KCNIP1: variants seen among roughly 807,000 people sequenced by gnomAD.
KCNIP1 encodes potassium voltage-gated channel interacting protein 1, also known as A-type potassium channel modulatory protein KCNIP1.
In KCNIP1, 18 loss-of-function variants were observed where a neutral mutation model predicts 33.0. That is an observed-to-expected ratio of 0.55 (90% CI 0.38 to 0.81). The LOEUF (loss-of-function observed/expected upper bound fraction) is 0.81. KCNIP1 is among the 30% of genes least tolerant of loss of function. The pLI, the probability that KCNIP1 is intolerant of heterozygous loss-of-function variation, is 0.00. For missense variants in KCNIP1, 238 were observed against 271.6 expected, an observed-to-expected ratio of 0.88 and a Z score of 0.87; for synonymous variants, 93 against 98.3, an observed-to-expected ratio of 0.95 and a Z score of 0.32.
chr5:170,459,422 A>T (rs1031338393), intron 1 of KCNIP1, among the ~76,000 whole-genome samples: 1 of 152,222 alleles, frequency 6.6e-6, no homozygotes, highest in African/African-American at 2.4e-5. Context: ...ACTTTCTCCA[A>T]GATAGACCAT....
At chr5:170,671,686 C>A (rs1761930408) in intron 1 of KCNIP1, among the ~76,000 whole-genome samples, 1 of 152,204 alleles carries the variant, frequency 6.6e-6, no homozygotes, top group Non-Finnish European at 1.5e-5. Flanking sequence ...TAGTGCTTAG[C>A]ACAGAGCCTG....
At chr5:170,401,993 G>C (rs1266350469) in intron 1 of KCNIP1, among the ~76,000 whole-genome samples, 5 of 152,164 alleles carry the variant, frequency 3.3e-5, no homozygotes, top group Admixed American at 3.3e-4. Flanking sequence ...GCTCTAAGGG[G>C]AAAATCCTTC....
intron 1 of KCNIP1, among the ~76,000 whole-genome samples, chr5:170,598,503 C>A (rs1017614507): frequency 1.3e-5 from 2 of 152,268 alleles, no homozygotes; most frequent in Non-Finnish European, 2.9e-5. Flanking sequence ...GTGCCCCGGA[C>A]AAGGTACCTA....
chr5:170,359,581 C>T (rs528786923), intron 1 of KCNIP1, among the ~76,000 whole-genome samples: 8 of 152,308 alleles, frequency 5.3e-5, no homozygotes, highest in South Asian at 2.1e-4. Flanking sequence ...AACCCTGGAA[C>T]CTCTGAGTGC....
chr5:170,665,184 G>C (rs2113757196), intron 1 of KCNIP1, among the ~76,000 whole-genome samples: 1 of 152,280 alleles, frequency 6.6e-6, no homozygotes, highest in East Asian at 1.9e-4. Context: ...CAGACCCAGT[G>C]GCTTATTGAT....
intron 1 of KCNIP1, among the ~76,000 whole-genome samples, chr5:170,358,291 A>G (rs1259626084): frequency 6.6e-6 from 1 of 152,142 alleles, no homozygotes; most frequent in African/African-American, 2.4e-5. Context: ...GGGGTGTGGG[A>G]AGATGAGATC....
chr5:170,562,646 G>A (rs761494106), intron 1 of KCNIP1, among the ~76,000 whole-genome samples: 4 of 152,100 alleles, frequency 2.6e-5, no homozygotes, highest in South Asian at 2.1e-4. Flanking sequence ...TCCCCTGCAC[G>A]CCGTCTCTCA....
intron 1 of KCNIP1, among the ~76,000 whole-genome samples, chr5:170,675,505 C>G (rs568307708): frequency 1.5e-4 from 23 of 152,172 alleles, no homozygotes; most frequent in African/African-American, 5.5e-4. Context: ...CCTGTAGTCC[C>G]AGCTACTCAG....
In KCNIP1 at chr5:170,733,843, A is replaced by C; in HGVS notation, c.548A>C (p.Asp183Ala). 1 of 1,613,538 alleles carries C rather than the reference A, an allele frequency of 6.2e-7. No homozygotes were observed. The highest frequency in any genetic ancestry group is 8.5e-7 in the Non-Finnish European group (1 of 1,179,478). ...QHVDVFFQKM[D>A]KNKDGIVTLD... ...TTCTGTTATGTCTTTCAGAAAATGGACAAAAATAAAGATGGCATCGTAACT... is the reference window on the plus strand; with the variant it reads ...TTCTGTTATGTCTTTCAGAAAATGGCCAAAAATAAAGATGGCATCGTAACT... The change falls in exon 7 of 8, where the codon GAC becomes GCC. Residue 183 changes from aspartate to alanine, a missense_variant. Transcript: ENST00000328939.
intron 1 of KCNIP1, among the ~76,000 whole-genome samples, chr5:170,369,818 G>A (rs1190785126): frequency 6.6e-6 from 1 of 152,168 alleles, no homozygotes; most frequent in African/African-American, 2.4e-5. Context: ...TGATTTCTGG[G>A]CCAGGAGGTT....
At chr5:170,561,906 C>CA (rs1757046195) in intron 1 of KCNIP1, among the ~76,000 whole-genome samples, 1 of 152,118 alleles carries the variant, frequency 6.6e-6, no homozygotes. Flanking sequence ...ATACAGAAAT[C>CA]AAAAACGCAT....
chr5:170,725,174 C>G (rs6894038), intron 5 of KCNIP1, among the ~76,000 whole-genome samples: 112,973 of 152,010 alleles, frequency 0.74, 42,094 homozygotes, highest in East Asian at 0.86. Context: ...CCACTGCTGG[C>G]TATATACCCC....
chr5:170,643,443 C>T lies in KCNIP1; in HGVS notation c.62-75315C>T, dbSNP rs373441514. On this transcript the variant is annotated intron_variant, in intron 1 of 7. Coordinates refer to ENST00000328939, the MANE Select transcript of KCNIP1 (RefSeq NM_014592.4). Reference sequence around the variant, plus strand: ...TGCCCCAAGGATCCTGATGCCCTCCCTCCTCTCTGCTCTGCAGTGTGCTGG... The same window carrying T: ...TGCCCCAAGGATCCTGATGCCCTCCTTCCTCTCTGCTCTGCAGTGTGCTGG... Among the ~76,000 whole-genome samples, 92 of 152,372 alleles carry T rather than the reference C, an allele frequency of 6.0e-4. 1 individual carries two copies. In the East Asian group the frequency reaches 0.011, roughly 19 times the overall value.
chr5:170,610,489 G>A (rs908678555), intron 1 of KCNIP1, among the ~76,000 whole-genome samples: 1 of 152,164 alleles, frequency 6.6e-6, no homozygotes, highest in African/African-American at 2.4e-5. Context: ...TCATGCTCAT[G>A]CACACTTCTG....
intron 1 of KCNIP1, among the ~76,000 whole-genome samples, chr5:170,464,370 CA>C (rs138185792): frequency 1.8e-3 from 269 of 152,224 alleles, no homozygotes; most frequent in African/African-American, 6.2e-3. Context: ...GCCATTTTTG[CA>C]GAAATGGAAA....
At chr5:170,639,953 G>A (rs1220393062) in intron 1 of KCNIP1, among the ~76,000 whole-genome samples, 1 of 152,250 alleles carries the variant, frequency 6.6e-6, no homozygotes, top group African/African-American at 2.4e-5. Flanking sequence ...AAGAAATCAG[G>A]AAGAACCTGG....
chr5:170,388,047 C>T (rs1431063234), intron 1 of KCNIP1, among the ~76,000 whole-genome samples: 2 of 152,222 alleles, frequency 1.3e-5, no homozygotes, highest in Admixed American at 1.3e-4. Flanking sequence ...GCCATGGCCT[C>T]CTCTGCTATT....
intron 1 of KCNIP1, among the ~76,000 whole-genome samples, chr5:170,522,227 C>A (rs1208402340): frequency 1.3e-5 from 2 of 152,230 alleles, no homozygotes; most frequent in South Asian, 2.1e-4. Context: ...GGAAGCCCTG[C>A]CCTGATCATG....
chr5:170,493,120 C>T (rs1757241456), intron 1 of KCNIP1, among the ~76,000 whole-genome samples: 1 of 152,194 alleles, frequency 6.6e-6, no homozygotes, highest in African/African-American at 2.4e-5. Context: ...CTTAGCCCTC[C>T]ACCAGTCCCG....
Sources: gnomAD v4.1 joint callset for allele counts (sites outside exome capture counted in the v4.1 genomes callset) on GRCh38, gnomAD v4.1.1 for gene constraint, MANE v1.5 for transcripts, NCBI Gene and HGNC (gene_info 2026-07-23, HGNC 2026-07-21) for gene names.